The following PATJ variants were observed in gnomAD, a reference collection of about 807,000 sequenced individuals.
The protein encoded by PATJ is PATJ crumbs cell polarity complex component.
In PATJ, 190 loss-of-function variants were observed where a neutral mutation model predicts 224.9. That is an observed-to-expected ratio of 0.84 (90% CI 0.75 to 0.95). The LOEUF (loss-of-function observed/expected upper bound fraction) is 0.95, where lower values mean the gene tolerates loss of function less well. PATJ is among the 40% of genes least tolerant of loss of function. The pLI is 0.00. For missense variants in PATJ, 2,121 were observed against 2,270.3 expected (o/e 0.93, Z 1.34); for synonymous variants, 769 against 820.3 (o/e 0.94, Z 1.07).
chr1:61,780,322 A>G (rs1285251914), intron 7 of PATJ, among the ~76,000 whole-genome samples: 5 of 152,164 alleles, frequency 3.3e-5, no homozygotes, highest in Admixed American at 2.0e-4. Flanking sequence ...AAAATTAGCC[A>G]GGTGTGGAGG....
chr1:61,864,675 C>T, intron 20 of PATJ, 42 bp downstream of exon 20: 2 of 1,522,810 alleles, frequency 1.3e-6, no homozygotes, highest in Admixed American at 1.8e-5. Context: ...CCCTTCTGCT[C>T]TCCTCGCCTG....
At chr1:62,089,707 T>A (rs1271994012) in intron 33 of PATJ, among the ~76,000 whole-genome samples, 1 of 152,056 alleles carries the variant, frequency 6.6e-6, no homozygotes. Context: ...TGACATGGAA[T>A]GTGCAACCTA....
intron 4 of PATJ, among the ~76,000 whole-genome samples, chr1:61,767,518 G>A (rs956265355): frequency 6.6e-6 from 1 of 152,128 alleles, no homozygotes; most frequent in African/African-American, 2.4e-5. Context: ...CAGCCTGGGT[G>A]ACAGAGCCAA....
chr1:61,850,468 A>G (rs1662639263), intron 17 of PATJ, among the ~76,000 whole-genome samples: 1 of 152,246 alleles, frequency 6.6e-6, no homozygotes, highest in South Asian at 2.1e-4. Flanking sequence ...ACATGCAGGC[A>G]TGCTGCACAT....
intron 20 of PATJ, among the ~76,000 whole-genome samples, chr1:61,866,629 T>TAA (rs61543275): frequency 6.8e-6 from 1 of 147,836 alleles, no homozygotes; most frequent in Non-Finnish European, 1.5e-5. Flanking sequence ...AACGTTAAGT[T>TAA]AAAAAAAAAA....
chr1:61,765,066 A>ATTTT (rs71582647), intron 3 of PATJ, among the ~76,000 whole-genome samples: 3,010 of 23,976 alleles, frequency 0.13, 1,203 homozygotes, highest in Admixed American at 0.18. Context: ...ATTGACATTC[A>ATTTT]TTTTTTTTTT....
intron 39 of PATJ, among the ~76,000 whole-genome samples, chr1:62,127,555 C>G (rs1665851922): frequency 6.6e-6 from 1 of 151,984 alleles, no homozygotes; most frequent in East Asian, 1.9e-4. Context: ...TCTGTAATCC[C>G]AGCACTCTGA....
At chr1:62,009,319 CAT>C (rs1394479352) in intron 28 of PATJ, among the ~76,000 whole-genome samples, 72 of 152,212 alleles carry the variant, frequency 4.7e-4, no homozygotes, top group African/African-American at 1.4e-3. Context: ...ATAAGTGAGT[CAT>C]GTGTGTTTTT....
chr1:62,144,108 A>C (rs1311058782), intron 41 of PATJ, among the ~76,000 whole-genome samples: 1 of 152,204 alleles, frequency 6.6e-6, no homozygotes, highest in African/African-American at 2.4e-5. Flanking sequence ...GCAGGGAGAA[A>C]TCTATCGTTT....
intron 8 of PATJ, among the ~76,000 whole-genome samples, chr1:61,790,515 G>GT (rs377372844): frequency 0.46 from 59,121 of 128,596 alleles, 14,489 homozygotes; most frequent in South Asian, 0.6. Flanking sequence ...TCTTTTTTTT[G>GT]TTTTTTTTTT....
At chr1:61,823,204 G>A in intron 15 of PATJ, 125 bp downstream of exon 15, 1 of 882,834 alleles carries the variant, frequency 1.1e-6, no homozygotes, top group Non-Finnish European at 1.7e-6. Flanking sequence ...CTCTTAGATT[G>A]AAAAAACCGA....
chr1:62,117,167 A>C lies in PATJ; in HGVS notation c.4839A>C (p.Arg1613Ser). 1 of 1,613,872 alleles carries C rather than the reference A, an allele frequency of 6.2e-7. No individual in the cohort carries two copies. The highest frequency in any genetic ancestry group is 8.5e-7 in the Non-Finnish European group (1 of 1,179,968). Reference sequence around the variant, plus strand: ...GACTTGTGCAGCTAGAGATTGGAAGACTCCGAGCTGGTTCCTGGACCTCCG... The same window carrying C: ...GACTTGTGCAGCTAGAGATTGGAAGCCTCCGAGCTGGTTCCTGGACCTCCG... ...AQGLVQLEIG[R>S]LRAGSWTSAR... The change falls in exon 37 of 44, where the codon AGA becomes AGC. Residue 1613 changes from arginine to serine, a missense_variant. Coordinates refer to ENST00000642238, the MANE Select transcript of PATJ (RefSeq NM_001350145.3).
rs61115372 is a variant in PATJ, at chr1:61,939,357, G to GACACAC, written c.3670+11540_3670+11545dup. 3.1e-4 allele frequency among the ~76,000 whole-genome samples: 45 copies of GACACAC among 146,442 alleles called. 1 individual carries two copies. The highest frequency in any genetic ancestry group is 1.0e-3 in the African/African-American group (41 of 39,508). On this transcript the variant is annotated intron_variant, in intron 27 of 43. Transcript: ENST00000642238. ...CACACACACACACAGTCAGAAGAAA[G>GACACAC]ACACACACACACACACATATATATA...
chr1:62,117,602 G>A (rs1664587604), intron 37 of PATJ: 1 of 174,570 alleles, frequency 5.7e-6, no homozygotes, highest in Non-Finnish European at 1.1e-5. Context: ...AAGTTAACTT[G>A]TGACTAGCCA....
At chr1:61,766,249 C>A in intron 3 of PATJ, 30 bp from the exon 4 acceptor site, 2 of 939,024 alleles carry the variant, frequency 2.1e-6, no homozygotes, top group Non-Finnish European at 2.9e-6. Context: ...CTATAGATTT[C>A]TGTTGATTCT....
At chr1:61,802,647 TC>T (rs1318310298) in intron 12 of PATJ, among the ~76,000 whole-genome samples, 1 of 152,196 alleles carries the variant, frequency 6.6e-6, no homozygotes, top group Non-Finnish European at 1.5e-5. Context: ...TGTTTCTTTT[TC>T]ATTATACATG....
Position 62,038,039 on chromosome 1 carries a change from C to T in PATJ, c.4022C>T (p.Ser1341Phe), listed in dbSNP as rs1436798144. 6.3e-7 allele frequency: 1 copy of T among 1,590,424 alleles called. No individual in the cohort carries two copies. The highest frequency in any genetic ancestry group is 8.6e-7 in the Non-Finnish European group (1 of 1,164,980). The change falls in exon 30 of 44, where the codon TCT (serine) becomes TTT (phenylalanine). Residue 1341 changes from serine to phenylalanine, a missense_variant. Physicochemically the swap from Ser to Phe is radical, Grantham distance 155. Transcript: ENST00000642238. ...TPFPVPSSSP[S>F]SIEDQSGTEP... ...TTTCCAGTGCCATCAAGTTCTCCATCTTCTATTGAGGTAAGGTTGTTTCTA... is the reference window on the plus strand; with the variant it reads ...TTTCCAGTGCCATCAAGTTCTCCATTTTCTATTGAGGTAAGGTTGTTTCTA...
chr1:61,884,410 T>C lies in PATJ; in HGVS notation c.3131+2T>C, dbSNP rs777900896. The C allele has an allele frequency of 1.3e-6, 2 of 1,511,060 alleles. No homozygotes were observed. The highest frequency in any genetic ancestry group is 2.7e-5 in the South Asian group (2 of 73,580). The allele number at this position is 1,511,060 out of a possible 1,614,324, so 93.6% of individuals were successfully genotyped here. A position where few individuals can be genotyped will look rare whatever the true frequency, so the allele number is the denominator to read the frequency against. ...TTCTAGATATGCCACTGATACATGG[T>C]ATGATATCATTTCTCTTTGTTTTCA... On this transcript the variant is annotated splice_donor_variant, in intron 22 of 43. Transcript: ENST00000642238. LOFTEE classifies it high-confidence loss of function.
At chr1:61,774,920 A>C (rs1447635144) in intron 6 of PATJ, among the ~76,000 whole-genome samples, 2 of 152,196 alleles carry the variant, frequency 1.3e-5, no homozygotes, top group African/African-American at 4.8e-5. Flanking sequence ...AAGGAATGAG[A>C]AATGTTTCCT....
Sources: allele counts gnomAD v4.1 joint callset (sites outside exome capture counted in the v4.1 genomes callset), GRCh38; gene constraint gnomAD v4.1.1; transcripts MANE v1.5; gene names NCBI Gene and HGNC (gene_info 2026-07-23, HGNC 2026-07-21).